KIF13A: variants seen among roughly 807,000 people sequenced by gnomAD.
KIF13A encodes the protein kinesin family member 13A, also known as kinesin-like protein KIF13A.
In KIF13A, 79 loss-of-function variants were observed where a neutral mutation model predicts 212.2. The observed-to-expected ratio is 0.37, with a 90% CI of 0.31 to 0.45. The LOEUF (loss-of-function observed/expected upper bound fraction) is 0.45. Ranked by LOEUF, KIF13A falls within the 20% of genes least tolerant of loss-of-function variation. KIF13A has a pLI of 1.00. For synonymous variants in KIF13A, 789 were observed against 808.6 expected, an observed-to-expected ratio of 0.98 and a Z score of 0.41; for missense variants, 1,901 against 2,209.0, an observed-to-expected ratio of 0.86 and a Z score of 2.79.
intron 16 of KIF13A, among the ~76,000 whole-genome samples, chr6:17,823,308 A>G (rs1222231264): frequency 6.6e-6 from 1 of 151,798 alleles, no homozygotes; most frequent in Admixed American, 6.6e-5. Context: ...CTGGGATTAC[A>G]GGCATTAGCC....
intron 31 of KIF13A, 131 bp downstream of exon 31, chr6:17,780,599 T>G: frequency 1.3e-6 from 1 of 793,944 alleles, no homozygotes; most frequent in Non-Finnish European, 2.0e-6. Context: ...TAAATGAGAA[T>G]CAGACTATAA....
intron 38 of KIF13A, among the ~76,000 whole-genome samples, chr6:17,766,302 T>C (rs1218881689): frequency 1.3e-5 from 2 of 151,096 alleles, no homozygotes; most frequent in Non-Finnish European, 2.9e-5. Context: ...TGCAATGGTG[T>C]GATCTCGGCT....
intron 3 of KIF13A, among the ~76,000 whole-genome samples, chr6:17,875,003 G>GCACACACACA (rs905903459): frequency 8.2e-5 from 11 of 133,386 alleles, no homozygotes; most frequent in African/African-American, 2.3e-4. Flanking sequence ...GCACACGCAC[G>GCACACACACA]CACACACACA....
chr6:17,786,620 A>T lies in KIF13A; in HGVS notation c.3362-979T>A, dbSNP rs1043549914. ...ATCTCAAAAATAAAAATAAAAAAATAAAAAACCCACCATATATCTTACTCT... is the reference window on the plus strand; with the variant it reads ...ATCTCAAAAATAAAAATAAAAAAATTAAAAACCCACCATATATCTTACTCT... On this transcript the variant is annotated intron_variant, in intron 27 of 38. Coordinates refer to ENST00000259711, the MANE Select transcript of KIF13A (RefSeq NM_022113.6). The surrounding 1 kb of genome is among the most constrained non-coding windows in gnomAD (Gnocchi z 5.4). 5.9e-5 allele frequency among the ~76,000 whole-genome samples: 9 copies of T among 152,094 alleles called. No individual in the cohort carries two copies. The highest frequency in any genetic ancestry group is 1.2e-4 in the Non-Finnish European group (8 of 68,004).
intron 25 of KIF13A, among the ~76,000 whole-genome samples, chr6:17,792,296 G>A (rs1294802603): frequency 6.6e-6 from 1 of 151,828 alleles, no homozygotes; most frequent in African/African-American, 2.4e-5. Flanking sequence ...TTATACTGCA[G>A]GTCACAGTTT....
chr6:17,808,440 A>G (rs1763166025), intron 18 of KIF13A, among the ~76,000 whole-genome samples: 1 of 152,162 alleles, frequency 6.6e-6, no homozygotes, highest in Non-Finnish European at 1.5e-5. Flanking sequence ...GCCTACATGT[A>G]TTCCCCCATT....
Position 17,772,903 on chromosome 6 carries a change from C to A in KIF13A, c.4324+575G>T, listed in dbSNP as rs569780509. Among the ~76,000 whole-genome samples, 1 of 152,262 alleles carries A rather than the reference C, an allele frequency of 6.6e-6. No homozygotes were observed. Among genetic ancestry groups the A allele is most frequent in the East Asian group, 1.9e-4 (1 of 5,188 alleles). ...TTCTTACCTTTTTGGCCTCTTTCCTCCCTTTCCAATTTGTTAGTATAATGG... is the reference window on the plus strand; with the variant it reads ...TTCTTACCTTTTTGGCCTCTTTCCTACCTTTCCAATTTGTTAGTATAATGG... On this transcript the variant is annotated intron_variant, in intron 36 of 38. Transcript: ENST00000259711. This position sits in a 1 kb window ranked among gnomAD's most constrained non-coding sequence, Gnocchi z 4.8.
At chr6:17,824,760 C>CAA (rs1234476186) in intron 16 of KIF13A, among the ~76,000 whole-genome samples, 10,973 of 48,172 alleles carry the variant, frequency 0.23, 1,000 homozygotes, top group Non-Finnish European at 0.27. Flanking sequence ...GACTCCGTCT[C>CAA]AAAAAAAAAA....
chr6:17,824,395 A>G (rs1764752403), intron 16 of KIF13A, among the ~76,000 whole-genome samples: 1 of 152,172 alleles, frequency 6.6e-6, no homozygotes. Flanking sequence ...TCTATGCTCA[A>G]ATTCTTCCCA....
chr6:17,822,729 C>T (rs1050243174), intron 16 of KIF13A, among the ~76,000 whole-genome samples: 2 of 152,128 alleles, frequency 1.3e-5, no homozygotes, highest in Admixed American at 1.3e-4. Context: ...CCTGAACACC[C>T]TATATCCACT....
chr6:17,804,385 G>T lies in KIF13A; in HGVS notation c.2430C>A (p.Val810=), dbSNP rs968278968. 1 of 1,552,204 alleles carries T rather than the reference G, an allele frequency of 6.4e-7. No homozygotes were observed. The highest frequency in any genetic ancestry group is 1.4e-5 in the African/African-American group (1 of 73,166). ...CCTCCCCCTGCTGGCTGATGATAGGGACTGCATACTGAAGTTTCACATCAC... is the reference window on the plus strand; with the variant it reads ...CCTCCCCCTGCTGGCTGATGATAGGTACTGCATACTGAAGTTTCACATCAC... ...LFCDVKLQYA[V]PIISQQGEVA... is the part of the protein sequence containing the mutation. The change falls in exon 20 of 39, where the codon GTC becomes GTA. Residue 810 remains valine (V), a synonymous_variant. Transcript: ENST00000259711.
intron 2 of KIF13A, among the ~76,000 whole-genome samples, chr6:17,959,368 C>T (rs954808547): frequency 6.6e-6 from 1 of 152,170 alleles, no homozygotes; most frequent in Non-Finnish European, 1.5e-5. Flanking sequence ...TTATTACTTA[C>T]ACTACATTAT....
At chr6:17,985,664 G>A (rs1781497029) in intron 2 of KIF13A, among the ~76,000 whole-genome samples, 1 of 145,536 alleles carries the variant, frequency 6.9e-6, no homozygotes, top group Non-Finnish European at 1.5e-5. Context: ...ATTCGTTGGT[G>A]ATATGGGCAT....
At chr6:17,936,646 T>C (rs1214531598) in intron 2 of KIF13A, among the ~76,000 whole-genome samples, 1 of 152,202 alleles carries the variant, frequency 6.6e-6, no homozygotes, top group East Asian at 1.9e-4. Context: ...AGTAATCCTA[T>C]AATGTGGCTA....
In KIF13A at chr6:17,808,898, A is replaced by G; in HGVS notation, c.2033T>C (p.Leu678Pro). Residue 678 changes from leucine to proline, a missense_variant, in exon 18 of 39, where the codon CTG (leucine) becomes CCG (proline). Physicochemically the swap from Leu to Pro is moderately conservative, Grantham distance 98. Transcript: ENST00000259711. ...ATTAGCTTTAACCAGCTGCTCTCGC[A>G]GTTTTGCCAGGCTTTGTCGGAAGAG... is the stretch of plus-strand genomic sequence containing the variant. ...DELFRQSLAK[L>P]REQLVKANTL... 1 of 1,613,118 alleles carries G rather than the reference A, an allele frequency of 6.2e-7. No homozygotes were observed. Among genetic ancestry groups the G allele is most frequent in the Non-Finnish European group, 8.5e-7 (1 of 1,179,550 alleles).
At position 17,804,515 on chromosome 6, in the gene KIF13A, G is replaced by A. The variant is rs1167897513; in HGVS notation, c.2305-5C>T. On this transcript the variant is annotated splice_polypyrimidine_tract_variant and splice_region_variant and intron_variant, in intron 19 of 38. Transcript: ENST00000259711. The stretch of plus-strand genomic sequence containing the variant: ...TTTTCCGTAGAGTCTCTTTGCCTGA[G>A]AAGTAGGAGGGGCCAGTGAGTGGAC... The A allele has an allele frequency of 2.5e-6, 4 of 1,586,710 alleles. No individual in the cohort carries two copies. The highest frequency in any genetic ancestry group is 3.4e-6 in the Non-Finnish European group (4 of 1,165,046).
intron 20 of KIF13A, among the ~76,000 whole-genome samples, chr6:17,801,766 G>T (rs1460402396): frequency 6.6e-6 from 1 of 152,114 alleles, no homozygotes; most frequent in East Asian, 1.9e-4. Context: ...GCTGGGAGCA[G>T]GATGAAGGAG....
intron 4 of KIF13A, among the ~76,000 whole-genome samples, chr6:17,860,026 T>C (rs1768587072): frequency 6.6e-6 from 1 of 152,104 alleles, no homozygotes; most frequent in Non-Finnish European, 1.5e-5. Context: ...TCATTATCAG[T>C]GAATGGCAGG....
intron 34 of KIF13A, among the ~76,000 whole-genome samples, chr6:17,775,945 A>G (rs1419941850): frequency 1.3e-5 from 2 of 152,026 alleles, no homozygotes; most frequent in Non-Finnish European, 2.9e-5. Flanking sequence ...GCAATGGCGC[A>G]ATCTCGGCGC....
Sources: allele counts gnomAD v4.1 joint callset (sites outside exome capture counted in the v4.1 genomes callset), GRCh38; gene constraint gnomAD v4.1.1; non-coding constraint Gnocchi (gnomAD v3.1); transcripts MANE v1.5; gene names NCBI Gene and HGNC (gene_info 2026-07-23, HGNC 2026-07-21).